Variants in EED observed in about 807,000 individuals in gnomAD.
EED encodes embryonic ectoderm development.
A neutral mutation model predicts 61.0 loss-of-function variants in EED; 9 were observed. The observed-to-expected ratio is 0.15, with a 90% CI of 0.09 to 0.26. The LOEUF (loss-of-function observed/expected upper bound fraction) is 0.26. Among genes scored for constraint, EED ranks in the 10% least tolerant of loss-of-function variants. The pLI is 1.00. For synonymous variants in EED, 187 were observed against 174.4 expected (o/e 1.07, Z -0.57); for missense variants, 315 against 542.3 (o/e 0.58, Z 4.16).
chr11:86,255,171 G>A (rs1565692017), intron 3 of EED, 51 bp from the exon 4 acceptor site: 1 of 1,403,090 alleles, frequency 7.1e-7, no homozygotes, highest in Non-Finnish European at 1.0e-6. Flanking sequence ...GTTGGAGAGA[G>A]TATGTTTTCT....
chr11:86,257,213 G>GTGTGTA (rs1211940624), intron 5 of EED, among the ~76,000 whole-genome samples: 2 of 151,116 alleles, frequency 1.3e-5, no homozygotes, highest in African/African-American at 4.9e-5. Context: ...GTGTGTGTGT[G>GTGTGTA]TGTGTATGAA....
chr11:86,276,314 A>G (rs889921861), intron 9 of EED: 3 of 152,226 alleles, frequency 2.0e-5, no homozygotes, highest in South Asian at 2.1e-4. Flanking sequence ...TAGGAAAAGT[A>G]TAAGTTTGAA....
At position 86,258,554 on chromosome 11, in the gene EED, G is replaced by GTTTTTTT. The variant is rs768325009; in HGVS notation, c.634+958_634+959insTTTTTTT. Among the ~76,000 whole-genome samples the GTTTTTTT allele has an allele frequency of 2.5e-4, 36 of 143,646 alleles. No individual in the cohort carries two copies. The East Asian group carries it at 3.1e-3, about 12-fold the overall frequency. The allele number at this position is 143,646 out of a possible 152,430, so 94.2% of individuals were successfully genotyped here. A position where few individuals can be genotyped will look rare whatever the true frequency, so the allele number is the denominator to read the frequency against. ...TTTTTTTCTCTTTTCTTTGTTTTTT[G>GTTTTTTT]GTTTTTTTTTTTTTTTTTGAGACAA... On this transcript the variant is annotated intron_variant, in intron 6 of 11. Transcript: ENST00000263360.
chr11:86,271,941 CT>C (rs149771515), intron 9 of EED, among the ~76,000 whole-genome samples: 14 of 131,664 alleles, frequency 1.1e-4, no homozygotes, highest in East Asian at 2.3e-4. Flanking sequence ...CTGGTCTTAA[CT>C]TTTTTTTTTG....
chr11:86,250,283 T>A lies in EED; in HGVS notation c.115-13T>A. On this transcript the variant is annotated splice_polypyrimidine_tract_variant and intron_variant, in intron 1 of 11. Coordinates refer to ENST00000263360, the MANE Select transcript of EED (RefSeq NM_003797.5). ...GCTGTTTCATGTAATTTTTCCTCAT[T>A]TACTGCTTACAGGATGACGCTGTCA... 1 of 1,489,580 alleles carries A rather than the reference T, an allele frequency of 6.7e-7. No individual in the cohort carries two copies. The highest frequency in any genetic ancestry group is 8.9e-7 in the Non-Finnish European group (1 of 1,118,784). 92.3% of individuals were successfully genotyped at this position (1,489,580 alleles called of 1,614,324 possible).
intron 6 of EED, among the ~76,000 whole-genome samples, chr11:86,258,542 TCTTTG>T (rs1945737051): frequency 6.6e-6 from 1 of 150,940 alleles, no homozygotes; most frequent in Non-Finnish European, 1.5e-5. Flanking sequence ...TTTTCTCTTT[TCTTTG>T]TTTTTTGGTT....
chr11:86,245,486 G>T, intron 1 of EED, 143 bp downstream of exon 1: 2 of 710,564 alleles, frequency 2.8e-6, no homozygotes, highest in Non-Finnish European at 4.8e-6. Flanking sequence ...GGAGAAAATT[G>T]AAATTGCCTA....
At chr11:86,285,148 G>A in the EED span, among the ~76,000 whole-genome samples, 1 of 152,074 alleles carries the variant, frequency 6.6e-6, no homozygotes, top group Non-Finnish European at 1.5e-5. Flanking sequence ...GGCTGGGCAC[G>A]GTGGTTCATG....
chr11:86,277,121 A>G lies in EED; in HGVS notation c.1108A>G (p.Met370Val), dbSNP rs759299377. The G allele has an allele frequency of 9.5e-6, 15 of 1,585,880 alleles. No homozygotes were observed. The highest frequency in any genetic ancestry group is 2.3e-5 in the East Asian group (1 of 44,428). ...TGACATTTGGTACATGAGGTTTTCT[A>G]TGGATTTCTGGCAAAAGGTATCAAC... ...QCDIWYMRFS[M>V]DFWQKMLALG... The change falls in exon 10 of 12, where the codon ATG becomes GTG. Residue 370 changes from methionine to valine, a missense_variant. This residue lies in a region of EED where 205 missense variants were observed against 455.4 expected (regional missense o/e 0.45). Coordinates refer to ENST00000263360, the MANE Select transcript of EED (RefSeq NM_003797.5).
intron 3 of EED, among the ~76,000 whole-genome samples, chr11:86,254,975 A>G (rs1256150968): frequency 6.6e-6 from 1 of 152,244 alleles, no homozygotes; most frequent in Non-Finnish European, 1.5e-5. Context: ...AGGCAATTGA[A>G]TGGATGAAAT....
At chr11:86,256,661 T>G in intron 5 of EED, 149 bp downstream of exon 5, 1 of 770,618 alleles carries the variant, frequency 1.3e-6, no homozygotes, top group South Asian at 3.6e-5. Context: ...ATGAGTCTTT[T>G]GAGACGTTTG....
intron 8 of EED, 99 bp from the exon 9 acceptor site, chr11:86,268,356 CA>C: frequency 1.4e-6 from 1 of 707,658 alleles, no homozygotes; most frequent in Non-Finnish European, 2.3e-6. Flanking sequence ...AATAGTCTTA[CA>C]TTTTGTTTTT....
At chr11:86,274,720 G>A (rs1029476153) in intron 9 of EED, among the ~76,000 whole-genome samples, 6 of 152,170 alleles carry the variant, frequency 3.9e-5, no homozygotes, top group Admixed American at 2.0e-4. Flanking sequence ...TTTACACTCT[G>A]GGTAGTTGGT....
the EED span, chr11:86,284,623 G>A: frequency 6.6e-6 from 1 of 152,234 alleles, no homozygotes; most frequent in African/African-American, 2.4e-5. Flanking sequence ...CTTGGGTAAA[G>A]GATACAGTGA....
intron 4 of EED, 74 bp from the exon 5 acceptor site, chr11:86,256,313 A>G (rs1212162905): frequency 1.0e-5 from 14 of 1,370,364 alleles, no homozygotes; most frequent in Non-Finnish European, 1.3e-5. Flanking sequence ...GCAGTTCTTT[A>G]TAAGTTTCTA....
rs2291812 is a variant in EED at position 86,245,106 on chromosome 11, G to T, written c.-124G>T. 10,518 of 679,742 alleles carry T rather than the reference G, an allele frequency of 0.015. 125 individuals carry two copies. The highest frequency in any genetic ancestry group is 0.035 in the Admixed American group (1,043 of 29,716). The allele number at this position is 679,742 out of a possible 1,614,324, so 42.1% of individuals were successfully genotyped here. A position where few individuals can be genotyped will look rare whatever the true frequency, so the allele number is the denominator to read the frequency against. On this transcript the variant is annotated 5_prime_UTR_variant, in exon 1 of 12. Transcript: ENST00000263360. ...GGCTGGGCGCGATTTGCGACAGTGG[G>T]GGGGGCGGTGGAGGTGGCGGCGGCA...
chr11:86,259,606 T>C (rs7925413), intron 6 of EED, among the ~76,000 whole-genome samples: 106,555 of 152,092 alleles, frequency 0.7, 37,908 homozygotes, highest in Non-Finnish European at 0.78. Context: ...GCATGAGCCA[T>C]GATTCCCAGC....
intron 3 of EED, among the ~76,000 whole-genome samples, chr11:86,254,851 G>A (rs1945629861): frequency 6.6e-6 from 1 of 152,154 alleles, no homozygotes; most frequent in Admixed American, 6.5e-5. Context: ...TTGATCTCTT[G>A]ACCTCATGAT....
intron 3 of EED, 32 bp downstream of exon 3, chr11:86,252,272 C>T: frequency 1.4e-6 from 2 of 1,458,614 alleles, no homozygotes; most frequent in Non-Finnish European, 1.9e-6. Flanking sequence ...TAGTATTTGG[C>T]TTGATTTCCA....
Sources: allele counts gnomAD v4.1 joint callset (sites outside exome capture counted in the v4.1 genomes callset), GRCh38; gene constraint gnomAD v4.1.1; regional missense constraint gnomAD v4.1.1; transcripts MANE v1.5; gene names NCBI Gene and HGNC (gene_info 2026-07-23, HGNC 2026-07-21).